Variants in SHOC1 observed in about 807,000 individuals in gnomAD.
SHOC1 encodes the protein shortage in chiasmata 1.
In SHOC1, 136 loss-of-function variants were observed where a neutral mutation model predicts 179.2. The observed-to-expected ratio is 0.76, with a 90% CI of 0.66 to 0.87. The LOEUF (loss-of-function observed/expected upper bound fraction) is 0.87. SHOC1 is among the 40% of genes least tolerant of loss of function. The pLI is 0.00. For missense variants in SHOC1, 1,538 were observed against 1,700.8 expected, an observed-to-expected ratio of 0.90 and a Z score of 1.68; for synonymous variants, 489 against 586.6, an observed-to-expected ratio of 0.83 and a Z score of 2.41.
chr9:111,794,757 C>G (rs1334694432), intron 1 of SHOC1, 143 bp downstream of exon 1: 1 of 152,290 alleles, frequency 6.6e-6, no homozygotes, highest in African/African-American at 2.4e-5. Context: ...TTTGTCTCTA[C>G]AGAGCCACAT....
Position 111,748,191 on chromosome 9 carries a change from T to G in SHOC1, c.871A>C (p.Asn291His). The G allele has an allele frequency of 6.2e-7, 1 of 1,609,608 alleles. No individual in the cohort carries two copies. Among genetic ancestry groups the G allele is most frequent in the Non-Finnish European group, 8.5e-7 (1 of 1,176,282 alleles). ...KEKLFERDLT[N>H]KHGIEDIGDI... ...CCGATATCCTCAATTCCATGCTTGT[T>G]AGTAAGATCTGAAAAGGAAGAAACT... The change falls in exon 9 of 28, where the codon AAC (asparagine) becomes CAC (histidine). Residue 291 changes from asparagine to histidine, a missense_variant. Transcript: ENST00000682961.
Position 111,748,164 on chromosome 9 carries a change from C to T in SHOC1, c.898G>A (p.Asp300Asn). The change falls in exon 9 of 28, where the codon GAT (aspartate) becomes AAT (asparagine). Residue 300 changes from aspartate (D) to asparagine (N), a missense_variant. Coordinates refer to ENST00000682961, the MANE Select transcript of SHOC1 (RefSeq NM_001378211.1). ...ATCTCTGTGGAGCTGAATTTTATAT[C>T]CCCGATATCCTCAATTCCATGCTTG... Reference protein sequence around the residue: ...TNKHGIEDIGDIKFSSTEILT... With the variant: ...TNKHGIEDIGNIKFSSTEILT... 2 of 1,613,582 alleles carry T rather than the reference C, an allele frequency of 1.2e-6. No homozygotes were observed.
chr9:111,754,699 C>CTTT (rs33959013), intron 8 of SHOC1, among the ~76,000 whole-genome samples: 8,406 of 152,050 alleles, frequency 0.055, 553 homozygotes, highest in African/African-American at 0.16. Context: ...AAAGGACAGC[C>CTTT]CAAATATCTA....
intron 19 of SHOC1, 138 bp downstream of exon 19, chr9:111,707,717 G>T (rs912111469): frequency 2.9e-5 from 18 of 612,264 alleles, no homozygotes; most frequent in Middle Eastern, 5.8e-4. Flanking sequence ...CCTATGTAAA[G>T]CATTTTTCAG....
intron 5 of SHOC1, among the ~76,000 whole-genome samples, chr9:111,774,995 A>T (rs1243499048): frequency 6.8e-6 from 1 of 146,348 alleles, no homozygotes; most frequent in African/African-American, 2.5e-5. Flanking sequence ...AAATATACTT[A>T]AAAAAAAATT....
rs369044566 is a variant in SHOC1 at position 111,738,352 on chromosome 9, A to C, written c.1345T>G (p.Cys449Gly). ...ETLEHLNTYL[C>G]HDNLSSNDTK... ...TCATTAGAAGACAAATTATCATGAC[A>C]TAAATATGTATTCAGATGTTCCAAT... The change falls in exon 12 of 28, where the codon TGT becomes GGT. Residue 449 changes from cysteine to glycine, a missense_variant. Transcript: ENST00000682961. 25 of 1,612,538 alleles carry C rather than the reference A, an allele frequency of 1.6e-5. No homozygotes were observed. The African/African-American group carries it at 2.7e-4, about 17-fold the overall frequency.
chr9:111,786,439 A>C (rs760573857), intron 2 of SHOC1, among the ~76,000 whole-genome samples: 69 of 152,056 alleles, frequency 4.5e-4, no homozygotes, highest in Non-Finnish European at 9.3e-4. Flanking sequence ...CGTGTCAAAA[A>C]AACAACAACA....
At chr9:111,742,621 G>A (rs1834094737) in intron 10 of SHOC1, among the ~76,000 whole-genome samples, 1 of 152,156 alleles carries the variant, frequency 6.6e-6, no homozygotes, top group African/African-American at 2.4e-5. Context: ...CAAGCTCCCT[G>A]CTACCCTGAG....
Position 111,692,318 on chromosome 9 carries a change from T to C in SHOC1, c.3659A>G (p.Gln1220Arg), listed in dbSNP as rs1459039810. The change falls in exon 27 of 28, where the codon CAG (glutamine) becomes CGG (arginine). Residue 1220 changes from glutamine to arginine, a missense_variant. Physicochemically the swap from Gln to Arg is conservative, Grantham distance 43. Coordinates refer to ENST00000682961, the MANE Select transcript of SHOC1 (RefSeq NM_001378211.1). The part of the protein sequence containing the change: ...YQYLGLGETV[Q>R]EDKTTILNDN... The stretch of plus-strand genomic sequence containing the variant: ...ATTCAAAATGGTGGTTTTGTCTTCC[T>C]GCACTGTCTCTCCTAATCCTAAATA... The C allele has an allele frequency of 1.9e-6, 3 of 1,612,694 alleles. No individual in the cohort carries two copies. In the Admixed American group the frequency reaches 5.0e-5, roughly 27 times the overall value.
intron 1 of SHOC1, among the ~76,000 whole-genome samples, chr9:111,792,332 C>T (rs774723057): frequency 1.3e-5 from 2 of 152,110 alleles, no homozygotes; most frequent in Non-Finnish European, 2.9e-5. Context: ...CCTGTAATCC[C>T]AGCACTTTGA....
chr9:111,746,313 A>G lies in SHOC1; in HGVS notation c.1000T>C (p.Phe334Leu), dbSNP rs997861375. 3 of 1,610,872 alleles carry G rather than the reference A, an allele frequency of 1.9e-6. No individual in the cohort carries two copies. Among genetic ancestry groups the G allele is most frequent in the Non-Finnish European group, 2.5e-6 (3 of 1,177,412 alleles). ...ACTGAAGAATGTTGGCATGTTAGGAATAGAGGAGTTAGTGGCATTTCTAAC... is the reference window on the plus strand; with the variant it reads ...ACTGAAGAATGTTGGCATGTTAGGAGTAGAGGAGTTAGTGGCATTTCTAAC... ...GELEMPLTPL[F>L]LTCQHSSVNS... Residue 334 changes from phenylalanine to leucine, a missense_variant, in exon 10 of 28, where the codon TTC (phenylalanine) becomes CTC (leucine). Physicochemically the swap from Phe to Leu is conservative, Grantham distance 22 (BLOSUM62 0). Transcript: ENST00000682961.
At chr9:111,704,485 C>T (rs768244197) in intron 21 of SHOC1, among the ~76,000 whole-genome samples, 11 of 152,240 alleles carry the variant, frequency 7.2e-5, no homozygotes, top group African/African-American at 2.4e-4. Context: ...TGGGCTCAAT[C>T]GAACCTCTCA....
chr9:111,713,628 C>T (rs548626056), intron 17 of SHOC1, among the ~76,000 whole-genome samples: 3 of 152,152 alleles, frequency 2.0e-5, no homozygotes, highest in Non-Finnish European at 4.4e-5. Flanking sequence ...AGTTATTACC[C>T]AAGAGACTAT....
chr9:111,790,378 T>C (rs1836406988), intron 2 of SHOC1, among the ~76,000 whole-genome samples: 1 of 152,190 alleles, frequency 6.6e-6, no homozygotes, highest in African/African-American at 2.4e-5. Flanking sequence ...ATTAGTATGA[T>C]TTTATAGAGA....
intron 3 of SHOC1, chr9:111,783,281 TC>T (rs1214466949): frequency 6.6e-6 from 1 of 152,190 alleles, no homozygotes; most frequent in African/African-American, 2.4e-5. Context: ...CTCAACATAC[TC>T]CAATCATATT....
At chr9:111,695,052 T>TGACACTGTTTTCCTCCATGCCC (rs1273139622) in intron 24 of SHOC1, among the ~76,000 whole-genome samples, 5 of 151,012 alleles carry the variant, frequency 3.3e-5, no homozygotes, top group African/African-American at 1.2e-4. Flanking sequence ...GTTTCCTGTC[T>TGACACTGTTTTCCTCCATGCCC]GACACTGTTT....
intron 18 of SHOC1, 122 bp from the exon 19 acceptor site, chr9:111,708,046 A>T (rs893000368): frequency 1.9e-6 from 1 of 518,468 alleles, no homozygotes; most frequent in African/African-American, 2.0e-5. Flanking sequence ...TGCTTAAAAT[A>T]CAATTTGCTA....
At chr9:111,791,339 C>A in intron 2 of SHOC1, 35 bp downstream of exon 2, 2 of 1,264,092 alleles carry the variant, frequency 1.6e-6, no homozygotes, top group Admixed American at 2.8e-5. Flanking sequence ...CATCATAATT[C>A]TCAGTAAATA....
chr9:111,688,462 A>G (rs1254034253), intron 27 of SHOC1, among the ~76,000 whole-genome samples: 1 of 152,170 alleles, frequency 6.6e-6, no homozygotes, highest in African/African-American at 2.4e-5. Flanking sequence ...TAACCAATAC[A>G]AAGTGTCCCA....
Sources: gnomAD v4.1 joint callset for allele counts (sites outside exome capture counted in the v4.1 genomes callset) on GRCh38, gnomAD v4.1.1 for gene constraint, MANE v1.5 for transcripts, NCBI Gene and HGNC (gene_info 2026-07-23, HGNC 2026-07-21) for gene names.